Variants in BMPR1B observed in about 807,000 individuals in gnomAD.
BMPR1B encodes bone morphogenetic protein receptor type-1B.
In BMPR1B, 12 loss-of-function variants were observed where a neutral mutation model predicts 59.1. The ratio of observed to expected loss-of-function variants is 0.20; its 90% CI spans 0.13 to 0.33. The LOEUF (loss-of-function observed/expected upper bound fraction) is 0.33. BMPR1B is among the 10% of genes least tolerant of loss of function. The pLI is 1.00. For synonymous variants in BMPR1B, 237 were observed against 207.3 expected (o/e 1.14, Z -1.23); for missense variants, 550 against 610.9 (o/e 0.90, Z 1.05).
intron 3 of BMPR1B, among the ~76,000 whole-genome samples, chr4:95,044,168 C>CTCTTTATT (rs1725869199): frequency 6.6e-6 from 1 of 152,178 alleles, no homozygotes; most frequent in Non-Finnish European, 1.5e-5. Flanking sequence ...ATCTGGTTGT[C>CTCTTTATT]TCTTTATATT....
chr4:94,817,684 T>C (rs1250008654), intron 1 of BMPR1B, among the ~76,000 whole-genome samples: 1 of 152,132 alleles, frequency 6.6e-6, no homozygotes, highest in Non-Finnish European at 1.5e-5. Flanking sequence ...CTTTTCCTGC[T>C]CCCATGATTA....
At chr4:94,897,486 C>A (rs1035362143) in intron 2 of BMPR1B, among the ~76,000 whole-genome samples, 1 of 151,880 alleles carries the variant, frequency 6.6e-6, no homozygotes, top group East Asian at 1.9e-4. Flanking sequence ...TCGCTTACCA[C>A]CGAGTATCTG....
chr4:95,086,470 G>T (rs764790322), intron 3 of BMPR1B, among the ~76,000 whole-genome samples: 1 of 152,136 alleles, frequency 6.6e-6, no homozygotes, highest in Non-Finnish European at 1.5e-5. Flanking sequence ...TTGTTTGTGG[G>T]CTGTCATAGT....
intron 1 of BMPR1B, among the ~76,000 whole-genome samples, chr4:94,853,590 T>C (rs979629568): frequency 2.0e-5 from 3 of 152,194 alleles, no homozygotes; most frequent in Admixed American, 6.6e-5. Flanking sequence ...TTAAGAGATA[T>C]TCAAAATAAG....
At chr4:94,821,383 A>C (rs1039628914) in intron 1 of BMPR1B, among the ~76,000 whole-genome samples, 7 of 152,178 alleles carry the variant, frequency 4.6e-5, no homozygotes, top group African/African-American at 1.7e-4. Context: ...AAGTTTTCTC[A>C]GAAAATAATT....
intron 1 of BMPR1B, among the ~76,000 whole-genome samples, chr4:94,874,543 T>C (rs1425573162): frequency 6.6e-6 from 1 of 152,204 alleles, no homozygotes; most frequent in Non-Finnish European, 1.5e-5. Context: ...AATTGTGATT[T>C]ATACATTTTA....
intron 3 of BMPR1B, among the ~76,000 whole-genome samples, chr4:95,090,096 G>A (rs2149247214): frequency 6.6e-6 from 1 of 152,118 alleles, no homozygotes; most frequent in South Asian, 2.1e-4. Flanking sequence ...GTCAAATTCT[G>A]TTGAGAGAGA....
chr4:94,992,793 G>C (rs754394551), intron 2 of BMPR1B, among the ~76,000 whole-genome samples: 1 of 152,114 alleles, frequency 6.6e-6, no homozygotes, highest in Non-Finnish European at 1.5e-5. Flanking sequence ...ATGTTTCACT[G>C]TCATCTCCTT....
chr4:95,028,427 CA>C (rs1724576463), intron 3 of BMPR1B, among the ~76,000 whole-genome samples: 1 of 151,996 alleles, frequency 6.6e-6, no homozygotes, highest in African/African-American at 2.4e-5. Context: ...ATTATACTAC[CA>C]AGACTGTCAA....
At chr4:94,993,700 A>G (rs1160062968) in intron 2 of BMPR1B, among the ~76,000 whole-genome samples, 2 of 147,712 alleles carry the variant, frequency 1.4e-5, no homozygotes, top group South Asian at 2.2e-4. Context: ...GGTGGAGGTC[A>G]TAGTGAGCCA....
chr4:94,860,132 C>T (rs925723886), intron 1 of BMPR1B, among the ~76,000 whole-genome samples: 4 of 152,130 alleles, frequency 2.6e-5, no homozygotes, highest in Admixed American at 6.5e-5. Flanking sequence ...GGAATTACTA[C>T]AGATGATGTG....
At chr4:95,103,924 A>G (rs567694853) in intron 3 of BMPR1B, among the ~76,000 whole-genome samples, 1 of 152,010 alleles carries the variant, frequency 6.6e-6, no homozygotes, top group African/African-American at 2.4e-5. Context: ...ACATAATAGT[A>G]CCTAAAGTAG....
At chr4:94,758,266 G>T (rs1721604725) in intron 1 of BMPR1B, among the ~76,000 whole-genome samples, 198 bp downstream of exon 1, 1 of 148,776 alleles carries the variant, frequency 6.7e-6, no homozygotes, top group Non-Finnish European at 1.5e-5. Context: ...GGCGGGCTGC[G>T]CGGCCGTGGG....
At chr4:94,891,699 T>A (rs1727401344) in intron 2 of BMPR1B, among the ~76,000 whole-genome samples, 1 of 152,090 alleles carries the variant, frequency 6.6e-6, no homozygotes. Flanking sequence ...AGGGATTGTA[T>A]GACTCCTAGA....
At chr4:94,908,093 A>AAAAAAAAAAAAAAG (rs1553917473) in intron 2 of BMPR1B, among the ~76,000 whole-genome samples, 3 of 118,708 alleles carry the variant, frequency 2.5e-5, no homozygotes, top group Non-Finnish European at 3.3e-5. Flanking sequence ...AAAAAAAAGA[A>AAAAAAAAAAAAAAG]AAAACAAAAA....
intron 3 of BMPR1B, among the ~76,000 whole-genome samples, chr4:95,079,122 C>T (rs191394013): frequency 4.2e-4 from 64 of 152,232 alleles, no homozygotes; most frequent in African/African-American, 1.5e-3. Context: ...TTAGAAAAAC[C>T]CAGCTGTATT....
At chr4:95,150,955 A>T (rs1461172256) in intron 11 of BMPR1B, among the ~76,000 whole-genome samples, 2 of 152,214 alleles carry the variant, frequency 1.3e-5, no homozygotes, top group Non-Finnish European at 2.9e-5. Flanking sequence ...CACAACTGGG[A>T]TAGAGGAAGC....
intron 1 of BMPR1B, among the ~76,000 whole-genome samples, chr4:94,758,299 G>T (rs1040512567): frequency 6.6e-6 from 1 of 151,120 alleles, no homozygotes; most frequent in African/African-American, 2.4e-5. Flanking sequence ...GCGGGGAGGG[G>T]GTCAGGCGGT....
At chr4:94,875,318 T>G (rs902439709) in intron 1 of BMPR1B, among the ~76,000 whole-genome samples, 1 of 152,312 alleles carries the variant, frequency 6.6e-6, no homozygotes, top group East Asian at 1.9e-4. Context: ...GTAATACTGT[T>G]TTAACAGTTT....
Sources: gnomAD v4.1 joint callset for allele counts (sites outside exome capture counted in the v4.1 genomes callset) on GRCh38, gnomAD v4.1.1 for gene constraint, MANE v1.5 for transcripts, NCBI Gene and HGNC (gene_info 2026-07-23, HGNC 2026-07-21) for gene names.